Variants in KIF13A observed in about 807,000 individuals in gnomAD.
The protein encoded by KIF13A is kinesin family member 13A, also known as kinesin-like protein KIF13A.
In KIF13A, 79 loss-of-function variants were observed where a neutral mutation model predicts 212.2. The ratio of observed to expected loss-of-function variants is 0.37; its 90% confidence interval spans 0.31 to 0.45. The LOEUF (loss-of-function observed/expected upper bound fraction) is 0.45, where lower values mean the gene tolerates loss of function less well. KIF13A is among the 20% of genes least tolerant of loss of function. The probability of loss-of-function intolerance (pLI) is 1.00; values close to 1 mark genes in which losing one functional copy is unlikely to be tolerated. For synonymous variants in KIF13A, 789 were observed against 808.6 expected (o/e 0.98, Z 0.41); for missense variants, 1,901 against 2,209.0 (o/e 0.86, Z 2.79).
chr6:17,923,423 GT>G (rs1221533989), intron 2 of KIF13A, among the ~76,000 whole-genome samples: 1 of 151,950 alleles, frequency 6.6e-6, no homozygotes, highest in East Asian at 1.9e-4. Context: ...CTACGGGAAG[GT>G]CAAGAATGCC....
intron 17 of KIF13A, chr6:17,812,474 C>T (rs879553792): frequency 9.2e-5 from 14 of 152,200 alleles, no homozygotes; most frequent in Admixed American, 3.3e-4. Flanking sequence ...GAATGATGGC[C>T]GCCAGTTCCA....
In KIF13A at chr6:17,831,178, C is replaced by G; in HGVS notation, c.1324G>C (p.Val442Leu). Residue 442 changes from valine to leucine, a missense_variant, in exon 13 of 39, where the codon GTG (valine) becomes CTG (leucine). Around this residue, in one of 5 missense-constraint regions of KIF13A, gnomAD observed 506 missense variants for 637.4 expected, o/e 0.79. Transcript: ENST00000259711. The stretch of plus-strand genomic sequence containing the variant: ...ACTAAGTAGCATTTGTCATCCCCCA[C>G]CTTGATACCGGACATCTCCAGGGAA... The part of the protein sequence containing the change: ...GISLEMSGIK[V>L]GDDKCYLVNL... 16 of 1,613,958 alleles carry G rather than the reference C, an allele frequency of 9.9e-6. No homozygotes were observed. The highest frequency in any genetic ancestry group is 1.4e-5 in the Non-Finnish European group (16 of 1,179,836).
chr6:17,893,385 G>T (rs1772244825), intron 3 of KIF13A, among the ~76,000 whole-genome samples: 1 of 152,150 alleles, frequency 6.6e-6, no homozygotes, highest in Admixed American at 6.5e-5. Context: ...TGTTTTTGAT[G>T]TTTTGATGGT....
In KIF13A at chr6:17,843,367, C is replaced by G. The variant is rs1269053610; in HGVS notation, c.831-5784G>C. On this transcript the variant is annotated intron_variant, in intron 9 of 38. Coordinates refer to ENST00000259711, the MANE Select transcript of KIF13A (RefSeq NM_022113.6). The surrounding 1 kb of genome is among the most constrained non-coding windows in gnomAD (Gnocchi z 5.3). ...AAAACTCTATTTTCCAAAGTCCTCT[C>G]TGCAGCTTCGGGTAGCCATTAAACA... Among the ~76,000 whole-genome samples the G allele has an allele frequency of 3.3e-5, 5 of 152,204 alleles. No individual in the cohort carries two copies. The highest frequency in any genetic ancestry group is 7.3e-5 in the Non-Finnish European group (5 of 68,046).
intron 13 of KIF13A, among the ~76,000 whole-genome samples, chr6:17,830,539 T>G (rs942195206): frequency 6.6e-6 from 1 of 152,210 alleles, no homozygotes; most frequent in Non-Finnish European, 1.5e-5. Context: ...TGGCATGTCC[T>G]GCGACCACAG....
intron 2 of KIF13A, among the ~76,000 whole-genome samples, chr6:17,957,778 G>A (rs1310501924): frequency 1.3e-5 from 2 of 152,188 alleles, no homozygotes; most frequent in South Asian, 2.1e-4. Context: ...TTGTTGTGGT[G>A]TGAGAGCAGA....
intron 17 of KIF13A, among the ~76,000 whole-genome samples, chr6:17,813,656 T>C (rs1192314438): frequency 6.6e-6 from 1 of 152,146 alleles, no homozygotes; most frequent in Non-Finnish European, 1.5e-5. Flanking sequence ...GGTTCCCTTT[T>C]CTCCTCTTGG....
intron 2 of KIF13A, among the ~76,000 whole-genome samples, chr6:17,985,632 C>CGGGGGGGG (rs1554128614): frequency 4.5e-4 from 17 of 38,176 alleles, no homozygotes; most frequent in African/African-American, 1.5e-3. Context: ...ATGCAGTTTG[C>CGGGGGGGG]GGGGGGGTGG....
intron 4 of KIF13A, among the ~76,000 whole-genome samples, chr6:17,864,872 G>A (rs780475736): frequency 9.2e-5 from 14 of 152,162 alleles, no homozygotes; most frequent in Non-Finnish European, 1.2e-4. Context: ...GCAGCAATAG[G>A]CTCAAAGCCA....
intron 2 of KIF13A, among the ~76,000 whole-genome samples, chr6:17,980,215 C>G (rs973451511): frequency 3.9e-5 from 6 of 152,132 alleles, no homozygotes; most frequent in Admixed American, 3.9e-4. Flanking sequence ...AGATAAAAGA[C>G]AGTGGAATAA....
Position 17,794,799 on chromosome 6 carries a change from G to A in KIF13A, c.2943-95C>T. Reference sequence around the variant, plus strand: ...ACCATTCACTGAGCACTTACTATGTGCTAGGCACTGTGCCATTTATCTTGT... The same window carrying A: ...ACCATTCACTGAGCACTTACTATGTACTAGGCACTGTGCCATTTATCTTGT... On this transcript the variant is annotated intron_variant, in intron 23 of 38. Coordinates refer to ENST00000259711, the MANE Select transcript of KIF13A (RefSeq NM_022113.6). The surrounding 1 kb of genome is among the most constrained non-coding windows in gnomAD (Gnocchi z 4.1). 1 of 1,275,086 alleles carries A rather than the reference G, an allele frequency of 7.8e-7. No homozygotes were observed. Among genetic ancestry groups the A allele is most frequent in the South Asian group, 1.5e-5 (1 of 68,390 alleles). 79.0% of individuals were successfully genotyped at this position (1,275,086 alleles called of 1,614,324 possible). A position where few individuals can be genotyped will look rare whatever the true frequency, so the allele number is the denominator to read the frequency against.
At chr6:17,917,595 G>A (rs1047294643) in intron 2 of KIF13A, among the ~76,000 whole-genome samples, 7 of 152,046 alleles carry the variant, frequency 4.6e-5, no homozygotes, top group African/African-American at 1.7e-4. Context: ...CACTATTGAG[G>A]TGGACTCATT....
intron 16 of KIF13A, among the ~76,000 whole-genome samples, chr6:17,818,998 C>CTT (rs11438528): frequency 0.013 from 1,560 of 123,380 alleles, 43 homozygotes; most frequent in Middle Eastern, 0.03. Flanking sequence ...AAATATATCA[C>CTT]TTTTTTTTTT....
intron 2 of KIF13A, among the ~76,000 whole-genome samples, chr6:17,925,001 T>C (rs944511867): frequency 2.0e-5 from 3 of 152,150 alleles, no homozygotes; most frequent in Admixed American, 6.5e-5. Flanking sequence ...AAATTTAGTA[T>C]CTTTATATAC....
At chr6:17,852,695 G>C (rs1386214306) in intron 6 of KIF13A, among the ~76,000 whole-genome samples, 3 of 152,170 alleles carry the variant, frequency 2.0e-5, no homozygotes, top group Non-Finnish European at 2.9e-5. Context: ...TGGGATTGCA[G>C]ATGTGAGCCA....
At position 17,855,296 on chromosome 6, in the gene KIF13A, C is replaced by T. The variant is rs991385096; in HGVS notation, c.494+141G>A. The T allele has an allele frequency of 7.9e-6, 5 of 636,028 alleles. No homozygotes were observed. The highest frequency in any genetic ancestry group is 5.6e-5 in the African/African-American group (3 of 53,890). 39.4% of individuals were successfully genotyped at this position (636,028 alleles called of 1,614,324 possible). ...GGGTATACCAAAAGGCTTTGAGAAG[C>T]TGATGATTTTTCTGTAAATGAATGA... On this transcript the variant is annotated intron_variant, in intron 6 of 38. Coordinates refer to ENST00000259711, the MANE Select transcript of KIF13A (RefSeq NM_022113.6). This position sits in a 1 kb window ranked among gnomAD's most constrained non-coding sequence, Gnocchi z 4.1.
In KIF13A at chr6:17,772,385, G is replaced by C. The variant is rs529918761; in HGVS notation, c.4325-326C>G. The stretch of plus-strand genomic sequence containing the variant: ...AATGGTGCCACTGCACTCCAGCCCG[G>C]GCAAGAGAGAGAGAGGGAGACCCTG... On this transcript the variant is annotated intron_variant, in intron 36 of 38. Transcript: ENST00000259711. The surrounding 1 kb of genome is among the most constrained non-coding windows in gnomAD (Gnocchi z 4.8). 2.0e-5 allele frequency among the ~76,000 whole-genome samples: 3 copies of C among 151,994 alleles called. No homozygotes were observed. Among genetic ancestry groups the C allele is most frequent in the African/African-American group, 7.2e-5 (3 of 41,460 alleles).
At chr6:17,770,048 C>T (rs1315882594) in intron 38 of KIF13A, among the ~76,000 whole-genome samples, 2 of 152,126 alleles carry the variant, frequency 1.3e-5, no homozygotes, top group Non-Finnish European at 2.9e-5. Context: ...ACCCGCACCC[C>T]AAGCACGCAG....
chr6:17,853,796 T>C (rs911077472), intron 6 of KIF13A, among the ~76,000 whole-genome samples: 2 of 152,172 alleles, frequency 1.3e-5, no homozygotes, highest in Admixed American at 6.5e-5. Context: ...AGGAAGAGAA[T>C]GCTAAACACA....
Sources: allele counts gnomAD v4.1 joint callset (sites outside exome capture counted in the v4.1 genomes callset), GRCh38; gene constraint gnomAD v4.1.1; regional missense constraint gnomAD v4.1.1; non-coding constraint Gnocchi (gnomAD v3.1); transcripts MANE v1.5; gene names NCBI Gene and HGNC (gene_info 2026-07-23, HGNC 2026-07-21).